GOLM1: variants seen among roughly 807,000 people sequenced by gnomAD.
GOLM1 encodes the protein epididymis luminal protein 46.
In GOLM1, 31 loss-of-function variants were observed where a neutral mutation model predicts 50.5. That is an observed-to-expected ratio of 0.61 (90% CI 0.46 to 0.83). The LOEUF is 0.83. GOLM1 is among the 40% of genes least tolerant of loss of function. The pLI, the probability that GOLM1 is intolerant of heterozygous loss-of-function variation, is 0.00. For missense variants in GOLM1, 491 were observed against 501.3 expected (o/e 0.98, Z 0.20); for synonymous variants, 178 against 192.8 (o/e 0.92, Z 0.64).
At chr9:86,056,667 G>T (rs1438832517) in intron 3 of GOLM1, among the ~76,000 whole-genome samples, 1 of 151,894 alleles carries the variant, frequency 6.6e-6, no homozygotes, top group Non-Finnish European at 1.5e-5. Flanking sequence ...CACCACGCCT[G>T]GCTAATTTTT....
At chr9:86,033,463 A>G in intron 8 of GOLM1, 68 bp from the exon 9 acceptor site, 1 of 962,142 alleles carries the variant, frequency 1.0e-6, no homozygotes, top group Non-Finnish European at 1.7e-6. Context: ...CTATCAGAGC[A>G]CAAGTGCTGG....
intron 3 of GOLM1, among the ~76,000 whole-genome samples, chr9:86,066,670 A>T (rs1456258872): frequency 2.6e-5 from 4 of 152,248 alleles, no homozygotes; most frequent in Non-Finnish European, 5.9e-5. Context: ...CAGCCGAGCG[A>T]GAATGTTACA....
chr9:86,033,475 G>A lies in GOLM1; in HGVS notation c.1016-80C>T, dbSNP rs969768328. Reference sequence around the variant, plus strand: ...GGACTATCAGAGCACAAGTGCTGGGGGTTAGCCATACTTGCTCACAATCAG... The same window carrying A: ...GGACTATCAGAGCACAAGTGCTGGGAGTTAGCCATACTTGCTCACAATCAG... On this transcript the variant is annotated intron_variant, in intron 8 of 9. Transcript: ENST00000388712. 17 of 850,736 alleles carry A rather than the reference G, an allele frequency of 2.0e-5. No homozygotes were observed. The Admixed American group carries it at 2.8e-4, about 14-fold the overall frequency. The allele number at this position is 850,736 out of a possible 1,614,324, so 52.7% of individuals were successfully genotyped here.
At chr9:86,047,977 C>T (rs1833608123) in intron 4 of GOLM1, among the ~76,000 whole-genome samples, 1 of 152,078 alleles carries the variant, frequency 6.6e-6, no homozygotes, top group South Asian at 2.1e-4. Context: ...GTGCTGCACC[C>T]ATTAACTCGT....
intron 6 of GOLM1, 115 bp from the exon 7 acceptor site, chr9:86,036,622 A>C: frequency 9.5e-7 from 1 of 1,054,878 alleles, no homozygotes; most frequent in South Asian, 1.6e-5. Flanking sequence ...CCTTCCAACC[A>C]AGACCCCGAG....
At chr9:86,059,019 TAAA>T (rs1486023367) in intron 3 of GOLM1, among the ~76,000 whole-genome samples, 1 of 151,024 alleles carries the variant, frequency 6.6e-6, no homozygotes, top group Non-Finnish European at 1.5e-5. Flanking sequence ...TAAATAAAAA[TAAA>T]AAAGGAAAAT....
intron 6 of GOLM1, 40 bp downstream of exon 6, chr9:86,040,699 G>T: frequency 6.3e-7 from 1 of 1,588,866 alleles, no homozygotes; most frequent in Non-Finnish European, 8.6e-7. Flanking sequence ...TGAAGATAGG[G>T]GTACCTTCTA....
intron 1 of GOLM1, among the ~76,000 whole-genome samples, chr9:86,091,986 T>C (rs7042066): frequency 0.24 from 36,676 of 152,016 alleles, 7,518 homozygotes; most frequent in African/African-American, 0.54. Flanking sequence ...CATATCTGAA[T>C]CCTGGCTCCA....
intron 4 of GOLM1, among the ~76,000 whole-genome samples, chr9:86,050,112 A>G (rs751597893): frequency 1.3e-5 from 2 of 152,188 alleles, no homozygotes; most frequent in East Asian, 3.8e-4. Context: ...TTCTGCATCT[A>G]TTGAGATAAT....
intron 9 of GOLM1, among the ~76,000 whole-genome samples, chr9:86,032,936 T>TG (rs2118627022): frequency 6.6e-6 from 1 of 152,342 alleles, no homozygotes; most frequent in African/African-American, 2.4e-5. Context: ...ATGCACATAC[T>TG]GGGGCTTCTC....
intron 3 of GOLM1, among the ~76,000 whole-genome samples, chr9:86,054,440 T>C (rs1282787272): frequency 1.3e-5 from 2 of 152,100 alleles, no homozygotes; most frequent in Non-Finnish European, 2.9e-5. Context: ...GCCAGGCTGG[T>C]CTCAAACTTC....
At chr9:86,076,421 CAAAAAAAAAA>C (rs58193076) in intron 3 of GOLM1, among the ~76,000 whole-genome samples, 2 of 23,332 alleles carry the variant, frequency 8.6e-5, no homozygotes, top group African/African-American at 1.2e-4. Context: ...AACCCCATCT[CAAAAAAAAAA>C]AAAAAAAAAA....
intron 5 of GOLM1, among the ~76,000 whole-genome samples, chr9:86,042,282 G>A (rs1833381536): frequency 6.6e-6 from 1 of 152,192 alleles, no homozygotes; most frequent in African/African-American, 2.4e-5. Context: ...ATACTAAGGG[G>A]TGACATGGTT....
chr9:86,032,287 C>G (rs1420180566), intron 9 of GOLM1, among the ~76,000 whole-genome samples: 1 of 152,160 alleles, frequency 6.6e-6, no homozygotes, highest in Admixed American at 6.5e-5. Flanking sequence ...CTTGCCTCAG[C>G]CTCCCGAGTA....
intron 2 of GOLM1, among the ~76,000 whole-genome samples, chr9:86,078,398 G>T (rs1834683087): frequency 1.3e-5 from 2 of 152,184 alleles, no homozygotes; most frequent in African/African-American, 4.8e-5. Flanking sequence ...AGTGCGGGGA[G>T]TCAGTGGATG....
chr9:86,067,836 C>T (rs1482458465), intron 3 of GOLM1, among the ~76,000 whole-genome samples: 1 of 152,006 alleles, frequency 6.6e-6, no homozygotes, highest in East Asian at 1.9e-4. Context: ...AACCCCATCT[C>T]TACTAAAAAT....
At chr9:86,053,262 A>AC (rs1833833218) in intron 3 of GOLM1, among the ~76,000 whole-genome samples, 1 of 121,944 alleles carries the variant, frequency 8.2e-6, no homozygotes, top group Non-Finnish European at 1.7e-5. Context: ...TCCACACCAC[A>AC]ACGCCAGACC....
At position 86,040,865 on chromosome 9, in the gene GOLM1, G is replaced by A; in HGVS notation, c.471C>T (p.Ser157=). The A allele has an allele frequency of 1.9e-6, 3 of 1,613,222 alleles. No homozygotes were observed. Among genetic ancestry groups the A allele is most frequent in the Middle Eastern group, 1.7e-4 (1 of 6,054 alleles). The part of the protein sequence containing the change: ...NLERKFSYDL[S]QCINQMKEVK... ...CCTCCTTCATCTGATTGATGCACTG[G>A]CTCCTTTGGTGAAAGAAAGCAAAGG... The change falls in exon 6 of 10, where the codon AGC becomes AGT. Residue 157 remains serine, a synonymous_variant. Transcript: ENST00000388712.
intron 2 of GOLM1, 25 bp from the exon 3 acceptor site, chr9:86,077,616 G>T (rs1187097633): frequency 3.8e-6 from 6 of 1,581,852 alleles, no homozygotes; most frequent in African/African-American, 1.3e-5. Context: ...TGGCATTAGG[G>T]CTGATGCCAA....
Sources: gnomAD v4.1 joint callset for allele counts (sites outside exome capture counted in the v4.1 genomes callset) on GRCh38, gnomAD v4.1.1 for gene constraint, MANE v1.5 for transcripts, NCBI Gene and HGNC (gene_info 2026-07-23, HGNC 2026-07-21) for gene names.